Variants in ZBTB41 observed in about 807,000 individuals in gnomAD.
ZBTB41 encodes the protein zinc finger and BTB domain containing 41.
ZBTB41 carries 42 observed loss-of-function variants against 87.6 expected under a neutral mutation model. The observed-to-expected ratio is 0.48, with a 90% CI of 0.37 to 0.62. The LOEUF (loss-of-function observed/expected upper bound fraction) is 0.62, where lower values mean the gene tolerates loss of function less well. ZBTB41 is among the 20% of genes least tolerant of loss of function. The probability of loss-of-function intolerance (pLI) is 0.00; values close to 1 mark genes in which losing one functional copy is unlikely to be tolerated. For synonymous variants in ZBTB41, 364 were observed against 364.0 expected (o/e 1.00, Z 0.00); for missense variants, 799 against 1,078.9 (o/e 0.74, Z 3.63).
chr1:197,199,048 G>A (rs10494748), intron 2 of ZBTB41, among the ~76,000 whole-genome samples: 10,956 of 151,982 alleles, frequency 0.072, 1,298 homozygotes, highest in African/African-American at 0.25. Flanking sequence ...GAATTAAACC[G>A]GCATATAAAT....
In ZBTB41 at chr1:197,191,857, G is replaced by C; in HGVS notation, c.1163C>G (p.Pro388Arg). The C allele has an allele frequency of 1.9e-6, 3 of 1,613,430 alleles. No individual in the cohort carries two copies. The highest frequency in any genetic ancestry group is 2.5e-6 in the Non-Finnish European group (3 of 1,179,712). The change falls in exon 3 of 11, where the codon CCC becomes CGC. Residue 388 changes from proline to arginine, a missense_variant. By Grantham distance (103) the Pro-to-Arg change is moderately radical. Coordinates refer to ENST00000367405, the MANE Select transcript of ZBTB41 (RefSeq NM_194314.3). ...SHTRVHTGEKPFECDICHQRY... is the reference protein window; with the variant it reads ...SHTRVHTGEKRFECDICHQRY... ...CTGGTGACAAATATCACACTCAAAGGGCTTCTCACCTGTGTGAACACGGGT... is the reference window on the plus strand; with the variant it reads ...CTGGTGACAAATATCACACTCAAAGCGCTTCTCACCTGTGTGAACACGGGT...
intron 10 of ZBTB41, 80 bp from the exon 11 acceptor site, chr1:197,160,094 C>T (rs1659162785): frequency 2.7e-6 from 3 of 1,092,920 alleles, no homozygotes; most frequent in African/African-American, 1.6e-5. Flanking sequence ...AGCAAACTTC[C>T]AATGTGAATA....
chr1:197,161,006 A>G lies in ZBTB41; in HGVS notation c.2075-992T>C, dbSNP rs562613357. Among the ~76,000 whole-genome samples, 22 of 152,254 alleles carry G rather than the reference A, an allele frequency of 1.4e-4. 1 individual carries two copies. The East Asian group carries it at 4.1e-3, about 28-fold the overall frequency. On this transcript the variant is annotated intron_variant, in intron 10 of 10. Coordinates refer to ENST00000367405, the MANE Select transcript of ZBTB41 (RefSeq NM_194314.3). ...AAGATGTGAAAGGCTCTCAGTTTAC[A>G]ATAGGCAAGAAAACGGGAATCTCAG...
At chr1:197,172,270 A>T in intron 9 of ZBTB41, 22 bp from the exon 10 acceptor site, 2 of 933,746 alleles carry the variant, frequency 2.1e-6, no homozygotes, top group Non-Finnish European at 2.9e-6. Context: ...AAAAGATTTG[A>T]GTTTTTCAAT....
Position 197,200,041 on chromosome 1 carries a change from T to C in ZBTB41, c.433A>G (p.Thr145Ala). Residue 145 changes from threonine (T) to alanine (A), a missense_variant, in exon 2 of 11, where the codon ACA becomes GCA. Thr to Ala is a moderately conservative substitution (Grantham distance 58, BLOSUM62 0). This residue lies in a region of ZBTB41 where 59 missense variants were observed against 120.1 expected (regional missense o/e 0.49). Transcript: ENST00000367405. ...TATTTGTACACAAAAAATTCTGATG[T>C]GTAAAGAAATTCAAGCAAATGCTGA... ...VFQHLLEFLY[T>A]SEFFVYKYEI... 6.2e-7 allele frequency: 1 copy of C among 1,612,974 alleles called. No homozygotes were observed. Among genetic ancestry groups the C allele is most frequent in the South Asian group, 1.1e-5 (1 of 90,738 alleles).
Position 197,176,559 on chromosome 1 carries a change from T to A in ZBTB41, c.1879+5A>T. The A allele has an allele frequency of 6.3e-7, 1 of 1,598,866 alleles. No individual in the cohort carries two copies. The highest frequency in any genetic ancestry group is 2.2e-5 in the East Asian group (1 of 44,662). The stretch of plus-strand genomic sequence containing the variant: ...TTCGAACTAGCATTACAAAATATGG[T>A]ATACCTGAATGTATTTTTTTGTGCT... On this transcript the variant is annotated splice_donor_5th_base_variant and intron_variant, in intron 8 of 10. Transcript: ENST00000367405.
intron 10 of ZBTB41, among the ~76,000 whole-genome samples, chr1:197,169,445 G>GA (rs1557977176): frequency 3.3e-5 from 5 of 151,434 alleles, no homozygotes; most frequent in African/African-American, 2.4e-5. Context: ...AAAGAATCCA[G>GA]AAAAAAAAGA....
chr1:197,192,742 T>C (rs1207121881), intron 2 of ZBTB41, among the ~76,000 whole-genome samples: 1 of 152,128 alleles, frequency 6.6e-6, no homozygotes, highest in Non-Finnish European at 1.5e-5. Context: ...AAGTATAGCA[T>C]TTCAGTCATA....
chr1:197,190,711 G>T, intron 4 of ZBTB41, 51 bp downstream of exon 4: 1 of 1,143,180 alleles, frequency 8.7e-7, no homozygotes, highest in Non-Finnish European at 1.3e-6. Context: ...TTCCCCAAAA[G>T]ACGTTGCATT....
intron 5 of ZBTB41, among the ~76,000 whole-genome samples, chr1:197,184,346 C>G (rs979611139): frequency 1.3e-5 from 2 of 152,148 alleles, no homozygotes; most frequent in African/African-American, 4.8e-5. Flanking sequence ...ATACTAGACT[C>G]ACAAAGATTA....
At chr1:197,196,226 G>A (rs1469998376) in intron 2 of ZBTB41, among the ~76,000 whole-genome samples, 1 of 152,170 alleles carries the variant, frequency 6.6e-6, no homozygotes, top group East Asian at 1.9e-4. Flanking sequence ...TGGATGATAT[G>A]AGAATAATGG....
Position 197,199,562 on chromosome 1 carries a change from A to G in ZBTB41, c.912T>C (p.Ala304=), listed in dbSNP as rs1303806857. The G allele has an allele frequency of 1.9e-6, 3 of 1,606,680 alleles. No individual in the cohort carries two copies. Among genetic ancestry groups the G allele is most frequent in the African/African-American group, 2.7e-5 (2 of 74,278 alleles). Residue 304 remains alanine, a synonymous_variant, in exon 2 of 11, where the codon GCT becomes GCC. Coordinates refer to ENST00000367405, the MANE Select transcript of ZBTB41 (RefSeq NM_194314.3). ...TCTCCTCCTCTAGCTCATCTTCTTC[A>G]GCATTATATTCACTTCCAGGGTCCT... is the stretch of plus-strand genomic sequence containing the variant. ...DSEDPGSEYN[A]EEDELEEEMS... is the part of the protein sequence containing the mutation.
chr1:197,166,870 A>T (rs978287280), intron 10 of ZBTB41, among the ~76,000 whole-genome samples: 1 of 151,772 alleles, frequency 6.6e-6, no homozygotes, highest in African/African-American at 2.4e-5. Context: ...ACAACAAAAA[A>T]ATTTAATTAA....
intron 10 of ZBTB41, among the ~76,000 whole-genome samples, chr1:197,165,976 C>G (rs975777152): frequency 6.6e-6 from 1 of 151,790 alleles, no homozygotes; most frequent in African/African-American, 2.4e-5. Flanking sequence ...CGTTGCCTCA[C>G]TGAGGCTGAA....
Position 197,159,667 on chromosome 1 carries a change from C to T in ZBTB41, c.2422G>A (p.Val808Ile). The T allele has an allele frequency of 6.2e-7, 1 of 1,614,004 alleles. No homozygotes were observed. Among genetic ancestry groups the T allele is most frequent in the South Asian group, 1.1e-5 (1 of 91,080 alleles). Residue 808 changes from valine (V) to isoleucine (I), a missense_variant, in exon 11 of 11, where the codon GTT becomes ATT. Around this residue, in one of 5 missense-constraint regions of ZBTB41, gnomAD observed 171 missense variants for 191.9 expected, o/e 0.89. Transcript: ENST00000367405. ...MLQNVSAEVC[V>I]PVTLVPVQMP... ...TGAACTGGAACCAGAGTTACTGGAA[C>T]ACATACTTCAGCAGATACATTCTGT... is the stretch of plus-strand genomic sequence containing the variant.
chr1:197,172,225 C>T lies in ZBTB41; in HGVS notation c.2009G>A (p.Cys670Tyr). Residue 670 changes from cysteine to tyrosine, a missense_variant, in exon 10 of 11, where the codon TGT becomes TAT. Around this residue, in one of 5 missense-constraint regions of ZBTB41, gnomAD observed 198 missense variants for 358.4 expected, o/e 0.55. Coordinates refer to ENST00000367405, the MANE Select transcript of ZBTB41 (RefSeq NM_194314.3). The part of the protein sequence containing the change: ...WQKYKATFHQ[C>Y]DVCKKIFKGK... Reference sequence around the variant, plus strand: ...TTTAAAAATTTTCTTACAAACATCACATTGATGAAATGTTGCTTTATATCT... The same window carrying T: ...TTTAAAAATTTTCTTACAAACATCATATTGATGAAATGTTGCTTTATATCT... 7.1e-7 allele frequency: 1 copy of T among 1,409,908 alleles called. No homozygotes were observed. Among genetic ancestry groups the T allele is most frequent in the Non-Finnish European group, 9.4e-7 (1 of 1,065,988 alleles). The allele number at this position is 1,409,908 out of a possible 1,614,324, so 87.3% of individuals were successfully genotyped here. A position where few individuals can be genotyped will look rare whatever the true frequency, so the allele number is the denominator to read the frequency against.
At chr1:197,190,062 G>A (rs181776183) in intron 4 of ZBTB41, among the ~76,000 whole-genome samples, 6 of 152,322 alleles carry the variant, frequency 3.9e-5, no homozygotes, top group African/African-American at 1.4e-4. Flanking sequence ...GGGATTACAG[G>A]CATGTGCCAC....
intron 10 of ZBTB41, among the ~76,000 whole-genome samples, chr1:197,165,319 G>T (rs1024592247): frequency 6.6e-6 from 1 of 152,080 alleles, no homozygotes; most frequent in East Asian, 1.9e-4. Flanking sequence ...AATTAAAAAT[G>T]AGGTACGGAG....
At chr1:197,194,988 T>TTTTTG (rs1660128501) in intron 2 of ZBTB41, among the ~76,000 whole-genome samples, 1 of 152,150 alleles carries the variant, frequency 6.6e-6, no homozygotes, top group Admixed American at 6.5e-5. Context: ...TTTTTCTTTG[T>TTTTTG]TTTTGTTTTG....
Sources: gnomAD v4.1 joint callset for allele counts (sites outside exome capture counted in the v4.1 genomes callset) on GRCh38, gnomAD v4.1.1 for gene constraint, gnomAD v4.1.1 regional missense constraint, MANE v1.5 for transcripts, NCBI Gene and HGNC (gene_info 2026-07-23, HGNC 2026-07-21) for gene names.